The following ST6GALNAC3 variants were observed in gnomAD, a reference collection of about 807,000 sequenced individuals.
ST6GALNAC3 encodes the protein ST6 N-acetylgalactosaminide alpha-2,6-sialyltransferase 3.
In ST6GALNAC3, 25 loss-of-function variants were observed where a neutral mutation model predicts 32.7. The observed-to-expected ratio is 0.76, with a 90% CI of 0.56 to 1.07. The LOEUF (loss-of-function observed/expected upper bound fraction) is 1.07. Ranked by LOEUF, ST6GALNAC3 falls within the 50% of genes least tolerant of loss-of-function variation. The pLI, the probability that ST6GALNAC3 is intolerant of heterozygous loss-of-function variation, is 0.00. For missense variants in ST6GALNAC3, 355 were observed against 382.4 expected (o/e 0.93, Z 0.60); for synonymous variants, 129 against 133.1 (o/e 0.97, Z 0.21).
At chr1:76,119,345 A>G (rs891356041) in intron 1 of ST6GALNAC3, among the ~76,000 whole-genome samples, 2 of 152,228 alleles carry the variant, frequency 1.3e-5, no homozygotes, top group Non-Finnish European at 2.9e-5. Flanking sequence ...AATTGAAACA[A>G]TGATTGTTAA....
intron 2 of ST6GALNAC3, among the ~76,000 whole-genome samples, chr1:76,348,481 C>T (rs532304087): frequency 6.6e-6 from 1 of 152,172 alleles, no homozygotes; most frequent in African/African-American, 2.4e-5. Context: ...TTTTCCATGC[C>T]AGGATGAACC....
intron 1 of ST6GALNAC3, among the ~76,000 whole-genome samples, chr1:76,213,332 G>A (rs1655272975): frequency 6.6e-6 from 1 of 152,188 alleles, no homozygotes; most frequent in South Asian, 2.1e-4. Flanking sequence ...AGTATGCTGT[G>A]TCCTCGAAAC....
At chr1:76,613,787 T>TC (rs1648097960) in intron 3 of ST6GALNAC3, among the ~76,000 whole-genome samples, 1 of 152,370 alleles carries the variant, frequency 6.6e-6, no homozygotes, top group East Asian at 1.9e-4. Flanking sequence ...TCCTGAGGCC[T>TC]CTCCAGCAAT....
intron 2 of ST6GALNAC3, among the ~76,000 whole-genome samples, chr1:76,330,884 A>G (rs1647176302): frequency 6.6e-6 from 1 of 152,184 alleles, no homozygotes. Context: ...CTACAGGAAT[A>G]TTGATCCCAT....
At chr1:76,389,011 C>CTTTTTTTTTTT (rs138986165) in intron 2 of ST6GALNAC3, among the ~76,000 whole-genome samples, 2,065 of 107,336 alleles carry the variant, frequency 0.019, 317 homozygotes, top group South Asian at 0.028. Context: ...TGGTATATTT[C>CTTTTTTTTTTT]CTTTTTTTTT....
chr1:76,529,291 G>T (rs1354207905), intron 3 of ST6GALNAC3, among the ~76,000 whole-genome samples: 1 of 152,012 alleles, frequency 6.6e-6, no homozygotes, highest in African/African-American at 2.4e-5. Context: ...TCCTTCTTTA[G>T]TCGACCAAGT....
intron 3 of ST6GALNAC3, 37 bp downstream of exon 3, chr1:76,412,454 T>A (rs986506319): frequency 1.3e-6 from 2 of 1,541,672 alleles, no homozygotes; most frequent in African/African-American, 2.8e-5. Flanking sequence ...TGTCTTTTAT[T>A]ATCTTTTATG....
chr1:76,502,313 T>C (rs1661223462), intron 3 of ST6GALNAC3, among the ~76,000 whole-genome samples: 1 of 152,202 alleles, frequency 6.6e-6, no homozygotes, highest in Non-Finnish European at 1.5e-5. Flanking sequence ...AAACCACCTT[T>C]TGAGGTAACT....
intron 1 of ST6GALNAC3, among the ~76,000 whole-genome samples, chr1:76,091,520 A>G (rs1359485735): frequency 6.6e-6 from 1 of 152,224 alleles, no homozygotes; most frequent in Admixed American, 6.5e-5. Context: ...GAGTCATCCT[A>G]TGCTCCAAAC....
chr1:76,589,606 A>G (rs1245132884), intron 3 of ST6GALNAC3, among the ~76,000 whole-genome samples: 1 of 152,024 alleles, frequency 6.6e-6, no homozygotes, highest in Non-Finnish European at 1.5e-5. Context: ...CAGCATTAAT[A>G]TGATGCAACA....
At chr1:76,418,643 A>G (rs902143757) in intron 3 of ST6GALNAC3, among the ~76,000 whole-genome samples, 2 of 152,118 alleles carry the variant, frequency 1.3e-5, no homozygotes, top group African/African-American at 2.4e-5. Flanking sequence ...CTTTGCAAAT[A>G]TAAGTATCTC....
chr1:76,096,242 G>A (rs145079550), intron 1 of ST6GALNAC3, among the ~76,000 whole-genome samples: 8 of 152,314 alleles, frequency 5.3e-5, no homozygotes, highest in African/African-American at 1.9e-4. Flanking sequence ...TGTTTTCAGA[G>A]AGGCAAGGGT....
chr1:76,614,149 G>T (rs1648122369), intron 3 of ST6GALNAC3, among the ~76,000 whole-genome samples: 1 of 152,218 alleles, frequency 6.6e-6, no homozygotes, highest in Non-Finnish European at 1.5e-5. Context: ...AGTTGACTTC[G>T]ATAGATGGGG....
intron 3 of ST6GALNAC3, among the ~76,000 whole-genome samples, chr1:76,483,441 A>C (rs1659874147): frequency 6.6e-6 from 1 of 152,146 alleles, no homozygotes; most frequent in African/African-American, 2.4e-5. Context: ...ATGGTATCTC[A>C]TTGTGGCTTT....
At chr1:76,420,246 G>A (rs1241143636) in intron 3 of ST6GALNAC3, among the ~76,000 whole-genome samples, 1 of 152,036 alleles carries the variant, frequency 6.6e-6, no homozygotes, top group Non-Finnish European at 1.5e-5. Context: ...TTTGAATTAT[G>A]CTATTAACAA....
chr1:76,216,638 G>A (rs1655479622), intron 1 of ST6GALNAC3, among the ~76,000 whole-genome samples: 1 of 152,136 alleles, frequency 6.6e-6, no homozygotes, highest in African/African-American at 2.4e-5. Flanking sequence ...CATCAAACAG[G>A]AACAGCATCT....
chr1:76,176,400 T>G (rs1004639152), intron 1 of ST6GALNAC3, among the ~76,000 whole-genome samples: 22 of 152,220 alleles, frequency 1.4e-4, no homozygotes, highest in African/African-American at 5.3e-4. Context: ...TAGTCATTTT[T>G]TCTAGTGCTT....
chr1:76,370,214 TTAGTAAATTAG>T (rs1281250253), intron 2 of ST6GALNAC3, among the ~76,000 whole-genome samples: 1 of 152,132 alleles, frequency 6.6e-6, no homozygotes, highest in Non-Finnish European at 1.5e-5. Flanking sequence ...CAAATAAAAA[TTAGTAAATTAG>T]TAGTACTAAG....
intron 1 of ST6GALNAC3, among the ~76,000 whole-genome samples, chr1:76,213,211 A>T (rs920705585): frequency 3.3e-5 from 5 of 152,206 alleles, no homozygotes; most frequent in Middle Eastern, 3.4e-3. Context: ...GTTAGGAATG[A>T]CATGTGGTAC....
Sources: allele counts gnomAD v4.1 joint callset (sites outside exome capture counted in the v4.1 genomes callset), GRCh38; gene constraint gnomAD v4.1.1; transcripts MANE v1.5; gene names NCBI Gene and HGNC (gene_info 2026-07-23, HGNC 2026-07-21).